The following AFF2 variants were observed in gnomAD, a reference collection of about 807,000 sequenced individuals.
AFF2 encodes AF4/FMR2 family member 2.
In AFF2, 14 loss-of-function variants were observed where a neutral mutation model predicts 76.9. The ratio of observed to expected loss-of-function variants is 0.18; its 90% confidence interval spans 0.12 to 0.28. The LOEUF is 0.28. Ranked by LOEUF, AFF2 falls within the 10% of genes least tolerant of loss-of-function variation. AFF2 has a pLI of 1.00. For missense variants in AFF2, 868 were observed against 1,001.1 expected, an observed-to-expected ratio of 0.87 and a Z score of 1.79; for synonymous variants, 398 against 366.7, an observed-to-expected ratio of 1.09 and a Z score of -0.98.
intron 4 of AFF2, among the ~76,000 whole-genome samples, chrX:148,815,992 A>G (rs1284470882): frequency 2.7e-5 from 3 of 112,090 alleles, no homozygotes; most frequent in Admixed American, 9.5e-5. Flanking sequence ...AATTTAGGCC[A>G]TGTGTAGAAT....
Position 148,973,621 on chromosome X carries a change from C to G in AFF2, c.3404+14C>G. 8.4e-7 allele frequency: 1 copy of G among 1,187,926 alleles called. No homozygotes were observed. The highest frequency in any genetic ancestry group is 1.7e-5 in the African/African-American group (1 of 57,361). ...GGAGCTCCTCAGGTGAATAGCCTTT[C>G]TGCAATCATCTTCCTACACTCATTT... On this transcript the variant is annotated intron_variant, in intron 16 of 20. Coordinates refer to ENST00000370460, the MANE Select transcript of AFF2 (RefSeq NM_002025.4).
At chrX:148,713,550 G>T (rs1265537423) in intron 3 of AFF2, among the ~76,000 whole-genome samples, 1 of 111,636 alleles carries the variant, frequency 9.0e-6, no homozygotes, top group African/African-American at 3.3e-5. Context: ...TTCAGCATAG[G>T]ATTTCCAGTA....
intron 9 of AFF2, among the ~76,000 whole-genome samples, chrX:148,906,971 C>T (rs782410727): frequency 9.0e-6 from 1 of 111,619 alleles, no homozygotes; most frequent in Non-Finnish European, 1.9e-5. Context: ...CTGGGTTCCA[C>T]GGTTCTCTTC....
At chrX:148,966,708 G>A in intron 13 of AFF2, 82 bp from the exon 14 acceptor site, 6 of 1,128,348 alleles carry the variant, frequency 5.3e-6, no homozygotes, top group Middle Eastern at 2.5e-4. Flanking sequence ...CTTTCGTAAC[G>A]TGCTTGACAT....
At chrX:148,862,836 T>A (rs782214346) in intron 7 of AFF2, among the ~76,000 whole-genome samples, 19 of 112,331 alleles carry the variant, frequency 1.7e-4, no homozygotes, top group Middle Eastern at 4.7e-3. Context: ...ACAAGCAATT[T>A]ATAATTTTCA....
chrX:148,800,122 G>T (rs781804471), intron 3 of AFF2, among the ~76,000 whole-genome samples: 10 of 111,907 alleles, frequency 8.9e-5, no homozygotes, highest in African/African-American at 3.2e-4. Context: ...GTTTTAATTA[G>T]AGTCATAAAT....
chrX:148,692,345 T>C (rs2054662760), intron 3 of AFF2, among the ~76,000 whole-genome samples: 2 of 111,965 alleles, frequency 1.8e-5, no homozygotes, highest in Non-Finnish European at 3.8e-5. Context: ...TCCTCAAGAA[T>C]GCAAACAAAG....
chrX:148,549,978 CT>C (rs1166582559), intron 1 of AFF2, among the ~76,000 whole-genome samples: 4 of 112,176 alleles, frequency 3.6e-5, no homozygotes, highest in Non-Finnish European at 5.6e-5. Context: ...CAGAGATTGT[CT>C]TTTAGCTAGA....
At chrX:148,929,546 G>A (rs782440272) in intron 9 of AFF2, among the ~76,000 whole-genome samples, 2 of 112,034 alleles carry the variant, frequency 1.8e-5, no homozygotes, top group Non-Finnish European at 3.8e-5. Flanking sequence ...TGGCAAAACA[G>A]ATTAGACCGG....
intron 8 of AFF2, among the ~76,000 whole-genome samples, chrX:148,891,533 G>A (rs782476810): frequency 2.4e-4 from 27 of 111,874 alleles, no homozygotes; most frequent in Admixed American, 3.8e-4. Flanking sequence ...TAAACTATCC[G>A]CAATTTGACT....
Position 148,501,123 on chromosome X carries a change from A to G in AFF2, c.26A>G (p.Asp9Gly). The change falls in exon 1 of 21, where the codon GAC (aspartate) becomes GGC (glycine). Residue 9 changes from aspartate (D) to glycine (G), a missense_variant. Physicochemically the swap from Asp to Gly is moderately conservative, Grantham distance 94. Coordinates refer to ENST00000370460, the MANE Select transcript of AFF2 (RefSeq NM_002025.4). Reference protein sequence around the residue: MDLFDFFRDWDLEQQCHYE... With the variant: MDLFDFFRGWDLEQQCHYE... ...ATGGATCTATTCGACTTTTTCAGAG[A>G]CTGGGACTTGGAGCAGCAGTGGTAG... 2 of 1,210,513 alleles carry G rather than the reference A, an allele frequency of 1.7e-6. No homozygotes were observed. The highest frequency in any genetic ancestry group is 2.2e-6 in the Non-Finnish European group (2 of 894,835).
chrX:148,771,231 A>G (rs782146292), intron 3 of AFF2, among the ~76,000 whole-genome samples: 5 of 111,896 alleles, frequency 4.5e-5, no homozygotes, highest in Middle Eastern at 4.7e-3. Context: ...AGTGAACTAT[A>G]TGTTGAATTC....
At chrX:148,542,993 G>A (rs1470391369) in intron 1 of AFF2, among the ~76,000 whole-genome samples, 1 of 111,848 alleles carries the variant, frequency 8.9e-6, no homozygotes, top group Non-Finnish European at 1.9e-5. Context: ...TGGCCTTACT[G>A]CTTCTGTGTG....
chrX:148,501,555 A>T (rs1012212942), intron 1 of AFF2, among the ~76,000 whole-genome samples: 3 of 112,933 alleles, frequency 2.7e-5, no homozygotes, highest in Admixed American at 9.2e-5. Flanking sequence ...GCGGCGGGCC[A>T]TGGGGGAAAG....
chrX:148,570,159 G>A (rs782271319), intron 1 of AFF2, among the ~76,000 whole-genome samples: 1 of 111,985 alleles, frequency 8.9e-6, no homozygotes, highest in African/African-American at 3.2e-5. Context: ...TCATCATCAA[G>A]CCTACTTTGA....
intron 7 of AFF2, among the ~76,000 whole-genome samples, chrX:148,846,781 T>G (rs1419543779): frequency 1.8e-5 from 2 of 112,133 alleles, no homozygotes; most frequent in Non-Finnish European, 3.8e-5. Context: ...GAGTTGTATG[T>G]TTACACAGTA....
At chrX:148,779,504 T>C (rs1557268880) in intron 3 of AFF2, among the ~76,000 whole-genome samples, 1 of 112,049 alleles carries the variant, frequency 8.9e-6, no homozygotes, top group Non-Finnish European at 1.9e-5. Context: ...CTCTAAGAAC[T>C]TGCTTTATGA....
At chrX:148,887,921 C>T (rs1322376775) in intron 8 of AFF2, among the ~76,000 whole-genome samples, 1 of 112,547 alleles carries the variant, frequency 8.9e-6, no homozygotes, top group Non-Finnish European at 1.9e-5. Context: ...AAAGAGAATG[C>T]TTGTGCAGTA....
intron 1 of AFF2, among the ~76,000 whole-genome samples, chrX:148,607,015 CG>C (rs1449442389): frequency 1.8e-5 from 2 of 111,199 alleles, no homozygotes; most frequent in African/African-American, 6.5e-5. Flanking sequence ...AAATTGGCTT[CG>C]TGTGCCATGC....
Sources: gnomAD v4.1 joint callset for allele counts (sites outside exome capture counted in the v4.1 genomes callset) on GRCh38, gnomAD v4.1.1 for gene constraint, MANE v1.5 for transcripts, NCBI Gene and HGNC (gene_info 2026-07-23, HGNC 2026-07-21) for gene names.